Variants in ARHGEF28 observed in about 807,000 individuals in gnomAD.
ARHGEF28 encodes the protein Rho guanine nucleotide exchange factor 28.
Under a neutral mutation model 206.6 loss-of-function variants are expected in ARHGEF28, and 152 were observed. The observed-to-expected ratio is 0.74, with a 90% CI of 0.64 to 0.84. ARHGEF28 has a LOEUF of 0.84. Ranked by LOEUF, ARHGEF28 falls within the 40% of genes least tolerant of loss-of-function variation. The pLI, the probability that ARHGEF28 is intolerant of heterozygous loss-of-function variation, is 0.00. For missense variants in ARHGEF28, 2,028 were observed against 2,073.2 expected (o/e 0.98, Z 0.42); for synonymous variants, 763 against 776.4 (o/e 0.98, Z 0.29).
intron 22 of ARHGEF28, among the ~76,000 whole-genome samples, chr5:73,874,138 T>A (rs915906696): frequency 6.6e-6 from 1 of 152,208 alleles, no homozygotes; most frequent in Non-Finnish European, 1.5e-5. Context: ...ATTAAATATC[T>A]TTTCATGTGC....
At chr5:73,765,539 C>A (rs986452075) in intron 4 of ARHGEF28, among the ~76,000 whole-genome samples, 18 of 152,158 alleles carry the variant, frequency 1.2e-4, no homozygotes, top group African/African-American at 2.4e-5. Context: ...CTACAAAACA[C>A]CTATTTTCAA....
At chr5:73,682,448 A>G (rs1747170697) in intron 1 of ARHGEF28, among the ~76,000 whole-genome samples, 1 of 137,518 alleles carries the variant, frequency 7.3e-6, no homozygotes, top group Non-Finnish European at 1.6e-5. Context: ...ATTGAGTTTC[A>G]CTCTTATTGC....
At chr5:73,758,239 C>G (rs1752418454) in intron 4 of ARHGEF28, among the ~76,000 whole-genome samples, 1 of 152,060 alleles carries the variant, frequency 6.6e-6, no homozygotes, top group South Asian at 2.1e-4. Context: ...CGAGCTTGTC[C>G]TGGTTAGGAT....
intron 35 of ARHGEF28, among the ~76,000 whole-genome samples, chr5:73,912,216 A>G (rs449989): frequency 0.057 from 8,731 of 152,282 alleles, 379 homozygotes; most frequent in Non-Finnish European, 0.085. Context: ...ATCTATGTCT[A>G]TTATAAATTG....
intron 2 of ARHGEF28, among the ~76,000 whole-genome samples, chr5:73,734,058 CT>C (rs1750762903): frequency 6.6e-6 from 1 of 152,152 alleles, no homozygotes; most frequent in Non-Finnish European, 1.5e-5. Flanking sequence ...CATGAAGGAG[CT>C]ACCCCCATGA....
chr5:73,915,147 G>GT (rs1409356363), intron 35 of ARHGEF28, among the ~76,000 whole-genome samples: 21 of 148,698 alleles, frequency 1.4e-4, no homozygotes, highest in African/African-American at 3.3e-4. Flanking sequence ...TGTTTTTATT[G>GT]GTTTTTTTTT....
At chr5:73,664,917 T>A in intron 1 of ARHGEF28, among the ~76,000 whole-genome samples, 1 of 152,210 alleles carries the variant, frequency 6.6e-6, no homozygotes, top group East Asian at 1.9e-4. Context: ...AATGGCACCA[T>A]CCACCTAGTT....
intron 12 of ARHGEF28, among the ~76,000 whole-genome samples, chr5:73,848,051 A>G (rs1002261774): frequency 1.3e-5 from 2 of 152,178 alleles, no homozygotes; most frequent in African/African-American, 4.8e-5. Context: ...TCAGTTTCTG[A>G]TGGTTTAATT....
intron 4 of ARHGEF28, among the ~76,000 whole-genome samples, chr5:73,771,961 A>T (rs1056180954): frequency 3.3e-5 from 5 of 152,156 alleles, no homozygotes; most frequent in Non-Finnish European, 7.4e-5. Context: ...ATGTTATTTT[A>T]CTGAGGGGAA....
intron 2 of ARHGEF28, among the ~76,000 whole-genome samples, chr5:73,686,520 C>CT (rs753978925): frequency 0.013 from 1,825 of 140,594 alleles, 31 homozygotes; most frequent in African/African-American, 0.041. Flanking sequence ...TTTTTCTTTT[C>CT]TTTTTTTTTT....
In ARHGEF28 at chr5:73,909,724, G is replaced by A. The variant is rs747832150; in HGVS notation, c.4474G>A (p.Glu1492Lys). 4 of 1,518,574 alleles carry A rather than the reference G, an allele frequency of 2.6e-6. No individual in the cohort carries two copies. Among genetic ancestry groups the A allele is most frequent in the African/African-American group, 2.8e-5 (2 of 72,488 alleles). The allele number at this position is 1,518,574 out of a possible 1,614,324, so 94.1% of individuals were successfully genotyped here. Residue 1492 changes from glutamate to lysine, a missense_variant, in exon 34 of 36, where the codon GAG (glutamate) becomes AAG (lysine). Transcript: ENST00000513042. ...GGAGCTGCTGCTGCGGAGCCGGGGC[G>A]AGCTGGACCTCCAGCTCCAGGAGTA... Reference protein sequence around the residue: ...QEELLLRSRGELDLQLQEYQH... With the variant: ...QEELLLRSRGKLDLQLQEYQH...
chr5:73,748,749 C>T (rs1001455246), intron 2 of ARHGEF28, among the ~76,000 whole-genome samples: 43 of 152,118 alleles, frequency 2.8e-4, no homozygotes, highest in African/African-American at 4.8e-4. Flanking sequence ...CGACCCTTTC[C>T]ACCTCCAGGT....
intron 1 of ARHGEF28, among the ~76,000 whole-genome samples, chr5:73,649,946 A>T (rs531722721): frequency 6.6e-6 from 1 of 152,290 alleles, no homozygotes; most frequent in East Asian, 1.9e-4. Flanking sequence ...CACTGTGGCA[A>T]CCTGTGCCCA....
chr5:73,914,464 T>C (rs1422112765), intron 35 of ARHGEF28, among the ~76,000 whole-genome samples: 1 of 148,778 alleles, frequency 6.7e-6, no homozygotes, highest in African/African-American at 2.5e-5. Context: ...TGGTAATATC[T>C]TGGCTCACTG....
At chr5:73,885,508 A>T (rs1761222416) in intron 24 of ARHGEF28, among the ~76,000 whole-genome samples, 1 of 145,844 alleles carries the variant, frequency 6.9e-6, no homozygotes, top group African/African-American at 2.6e-5. Context: ...ACAGAGTCTC[A>T]CTCTGTCTCG....
At chr5:73,642,356 C>A (rs1003595973) in intron 1 of ARHGEF28, among the ~76,000 whole-genome samples, 1 of 151,958 alleles carries the variant, frequency 6.6e-6, no homozygotes, top group Non-Finnish European at 1.5e-5. Context: ...TTTTAACTTT[C>A]CCCCTAGAGT....
intron 2 of ARHGEF28, among the ~76,000 whole-genome samples, chr5:73,704,085 T>C (rs897078827): frequency 1.1e-4 from 16 of 151,220 alleles, no homozygotes; most frequent in Admixed American, 9.9e-4. Context: ...GGGGAGGGAA[T>C]GGGGAAATGG....
At chr5:73,726,562 GT>G (rs1750285878) in intron 2 of ARHGEF28, among the ~76,000 whole-genome samples, 1 of 152,202 alleles carries the variant, frequency 6.6e-6, no homozygotes, top group African/African-American at 2.4e-5. Flanking sequence ...CGGTGCAAAA[GT>G]GTATCAATAC....
chr5:73,649,461 T>C (rs747232251), intron 1 of ARHGEF28, among the ~76,000 whole-genome samples: 1 of 152,184 alleles, frequency 6.6e-6, no homozygotes, highest in African/African-American at 2.4e-5. Flanking sequence ...AAAACTTTCA[T>C]TGTGGCCCTT....
Sources: gnomAD v4.1 joint callset for allele counts (sites outside exome capture counted in the v4.1 genomes callset) on GRCh38, gnomAD v4.1.1 for gene constraint, MANE v1.5 for transcripts, NCBI Gene and HGNC (gene_info 2026-07-23, HGNC 2026-07-21) for gene names.